Variants in PAGE1 observed in about 807,000 individuals in gnomAD.
PAGE1 encodes PAGE family member 1, also known as P antigen family member 1.
PAGE1 carries 6 observed loss-of-function variants against 11.5 expected under a neutral mutation model. That is an observed-to-expected ratio of 0.52 (90% CI 0.29 to 1.03). The LOEUF (loss-of-function observed/expected upper bound fraction) is 1.03, where lower values mean the gene tolerates loss of function less well. Among genes scored for constraint, PAGE1 ranks in the 50% least tolerant of loss-of-function variants. PAGE1 has a pLI of 0.09. For missense variants in PAGE1, 120 were observed against 110.2 expected, an observed-to-expected ratio of 1.09 and a Z score of -0.40; for synonymous variants, 42 against 40.2, an observed-to-expected ratio of 1.05 and a Z score of -0.17.
Position 49,687,542 on chromosome X carries a change from T to A in PAGE1, c.440A>T (p.Ter147LeuextTer5). 8.3e-7 allele frequency: 1 copy of A among 1,206,152 alleles called. No individual in the cohort carries two copies. Among genetic ancestry groups the A allele is most frequent in the Non-Finnish European group, 1.1e-6 (1 of 892,059 alleles). Reference protein sequence around the residue: ...PEEDEGQSQP* With the variant: ...PEEDEGQSQPL ...TGAACCATTTCAGCGTGTCTTCTTT[T>A]AAGGCTGTGATTGCCCTTCATCTGT... The change falls in exon 6 of 6, where the codon TAA (stop) becomes TTA (leucine). Residue 147 changes from the stop codon to leucine, a stop_lost. Coordinates refer to ENST00000376150, the MANE Select transcript of PAGE1 (RefSeq NM_003785.4).
At chrX:49,695,675 C>T (rs992262118) in intron 1 of PAGE1, among the ~76,000 whole-genome samples, 194 bp downstream of exon 1, 12 of 112,402 alleles carry the variant, frequency 1.1e-4, no homozygotes, top group Non-Finnish European at 1.5e-4. Context: ...GGCCCCTTCA[C>T]GACCACAAAG....
At chrX:49,694,021 GACACACACACACAC>G (rs565227923) in intron 3 of PAGE1, 64 bp downstream of exon 3, 86 of 363,471 alleles carry the variant, frequency 2.4e-4, no homozygotes, top group East Asian at 1.2e-3. Flanking sequence ...CAATGCATGA[GACACACACACACAC>G]ACACACACAC....
chrX:49,689,510 A>C lies in PAGE1; in HGVS notation c.326T>G (p.Val109Gly), dbSNP rs782788305. ...PEPEADSQEQ[V>G]HPKTGCERGD... is the part of the protein sequence containing the mutation. ...GCGCTCACACCCAGTCTTCGGGTGA[A>C]CCTGTTCCTGGCTATCCGCTTCAGG... Residue 109 changes from valine (V) to glycine (G), a missense_variant, in exon 5 of 6, where the codon GTT (valine) becomes GGT (glycine). Transcript: ENST00000376150. The C allele has an allele frequency of 6.2e-5, 57 of 912,731 alleles. No individual in the cohort carries two copies. The highest frequency in any genetic ancestry group is 7.7e-5 in the Non-Finnish European group (56 of 729,116). 75.2% of individuals were successfully genotyped at this position (912,731 alleles called of 1,213,427 possible).
At chrX:49,694,997 C>T (rs920675135) in intron 1 of PAGE1, among the ~76,000 whole-genome samples, 2 of 112,384 alleles carry the variant, frequency 1.8e-5, no homozygotes, top group South Asian at 7.4e-4. Context: ...TGGCAAAAGG[C>T]AGAGGACATT....
At chrX:49,695,183 T>C (rs999244169) in intron 1 of PAGE1, among the ~76,000 whole-genome samples, 4 of 112,452 alleles carry the variant, frequency 3.6e-5, no homozygotes, top group African/African-American at 1.3e-4. Context: ...AGGACGTTTC[T>C]GATGAGGTTT....
At chrX:49,693,644 G>A (rs782159951) in intron 3 of PAGE1, among the ~76,000 whole-genome samples, 82 of 111,572 alleles carry the variant, frequency 7.3e-4, no homozygotes, top group Non-Finnish European at 1.3e-3. Flanking sequence ...CAGGAACTCA[G>A]TTTTTGGAGT....
intron 3 of PAGE1, among the ~76,000 whole-genome samples, 195 bp from the exon 4 acceptor site, chrX:49,691,569 A>G (rs1446488856): frequency 9.0e-6 from 1 of 111,330 alleles, no homozygotes; most frequent in African/African-American, 3.3e-5. Flanking sequence ...TCCAAATATT[A>G]CCCTCTTCCT....
chrX:49,690,091 G>GTATATATGTGTATATACACACA (rs2066913444), intron 4 of PAGE1, among the ~76,000 whole-genome samples: 5 of 51,671 alleles, frequency 9.7e-5, no homozygotes, highest in Non-Finnish European at 1.7e-4. Flanking sequence ...GTATATATGT[G>GTATATATGTGTATATACACACA]TATATATGTG....
At chrX:49,689,845 TACAC>T in intron 4 of PAGE1, among the ~76,000 whole-genome samples, 1 of 60,358 alleles carries the variant, frequency 1.7e-5, no homozygotes, top group African/African-American at 8.7e-5. Context: ...TGTGTGTATA[TACAC>T]ACATATATAG....
intron 3 of PAGE1, 90 bp downstream of exon 3, chrX:49,694,009 G>T: frequency 2.1e-6 from 1 of 467,549 alleles, no homozygotes; most frequent in Non-Finnish European, 3.5e-6. Context: ...CCTGGTATGT[G>T]ACAATGCATG....
At chrX:49,692,251 T>A (rs1557142290) in intron 3 of PAGE1, among the ~76,000 whole-genome samples, 6 of 112,476 alleles carry the variant, frequency 5.3e-5, no homozygotes. Context: ...TTAAATGTCC[T>A]GAGTTTGATC....
At chrX:49,690,017 G>C (rs868981672) in intron 4 of PAGE1, among the ~76,000 whole-genome samples, 3 of 58,430 alleles carry the variant, frequency 5.1e-5, no homozygotes, top group African/African-American at 1.3e-4. Flanking sequence ...ATATATGTGT[G>C]TATATACACA....
chrX:49,689,787 CAT>C (rs1462516474), intron 4 of PAGE1, among the ~76,000 whole-genome samples: 13 of 57,470 alleles, frequency 2.3e-4, no homozygotes, highest in South Asian at 1.2e-3. Context: ...TATATACACA[CAT>C]ATATATGTAT....
chrX:49,688,235 T>A (rs781988421), intron 5 of PAGE1, among the ~76,000 whole-genome samples: 4 of 112,171 alleles, frequency 3.6e-5, no homozygotes, highest in Non-Finnish European at 5.6e-5. Context: ...ATAAAAAAAA[T>A]TTTTTAACAA....
rs565227923 is a variant in PAGE1 at position 49,694,021 on chromosome X, GACACACACACACACACACACACAC to G, written c.166+54_166+77del. 11 of 363,534 alleles carry G rather than the reference GACACACACACACACACACACACAC, an allele frequency of 3.0e-5. No homozygotes were observed. The South Asian group carries it at 3.2e-4, about 11-fold the overall frequency. 30.0% of individuals were successfully genotyped at this position (363,534 alleles called of 1,213,427 possible). A position where few individuals can be genotyped will look rare whatever the true frequency, so the allele number is the denominator to read the frequency against. On this transcript the variant is annotated intron_variant, in intron 3 of 5. Coordinates refer to ENST00000376150, the MANE Select transcript of PAGE1 (RefSeq NM_003785.4). The stretch of plus-strand genomic sequence containing the variant: ...GTTCCTGGTATGTGACAATGCATGA[GACACACACACACACACACACACAC>G]ACACACACACACACACACACCCCAA...
At position 49,689,607 on chromosome X, in the gene PAGE1, T is replaced by C. The variant is rs868920874; in HGVS notation, c.293-64A>G. 409 of 78,033 alleles carry C rather than the reference T, an allele frequency of 5.2e-3. 14 individuals carry two copies. Among genetic ancestry groups the C allele is most frequent in the African/African-American group, 0.035 (384 of 10,838 alleles). 6.4% of individuals were successfully genotyped at this position (78,033 alleles called of 1,213,427 possible). A position where few individuals can be genotyped will look rare whatever the true frequency, so the allele number is the denominator to read the frequency against. On this transcript the variant is annotated intron_variant, in intron 4 of 5. Transcript: ENST00000376150. ...ATATATATATATATATATATATATA[T>C]ATATACATATACATATATATATACA...
rs1569533493 is a variant in PAGE1 at position 49,690,125 on chromosome X, A to ATATATACACATATATATGTGTG, written c.293-583_293-582insCACACATATATATGTGTATATA. 8.4e-5 allele frequency among the ~76,000 whole-genome samples: 7 copies of ATATATACACATATATATGTGTG among 83,831 alleles called. 1 individual carries two copies. Among genetic ancestry groups the ATATATACACATATATATGTGTG allele is most frequent in the African/African-American group, 1.9e-4 (4 of 21,539 alleles). The allele number at this position is 83,831 out of a possible 115,157, so 72.8% of individuals were successfully genotyped here. On this transcript the variant is annotated intron_variant, in intron 4 of 5. Coordinates refer to ENST00000376150, the MANE Select transcript of PAGE1 (RefSeq NM_003785.4). ...TGTATATATACACATATATATGTGT[A>ATATATACACATATATATGTGTG]TATATACACATATATATGTGTATAT...
intron 3 of PAGE1, 37 bp downstream of exon 3, chrX:49,694,061 CA>C (rs1569533563): frequency 1.5e-4 from 121 of 820,241 alleles, no homozygotes; most frequent in East Asian, 1.1e-3. Context: ...CACACACACA[CA>C]CACCCCAACA....
chrX:49,694,840 TC>T, intron 1 of PAGE1, 62 bp from the exon 2 acceptor site: 2 of 589,165 alleles, frequency 3.4e-6, no homozygotes, highest in East Asian at 6.7e-5. Context: ...TTCGATCACT[TC>T]CATGGCTAAA....
Sources: gnomAD v4.1 joint callset for allele counts (sites outside exome capture counted in the v4.1 genomes callset) on GRCh38, gnomAD v4.1.1 for gene constraint, MANE v1.5 for transcripts, NCBI Gene and HGNC (gene_info 2026-07-23, HGNC 2026-07-21) for gene names.